PTPRK: variants seen among roughly 807,000 people sequenced by gnomAD.
PTPRK encodes protein tyrosine phosphatase receptor type K, also known as receptor-type tyrosine-protein phosphatase kappa.
Under a neutral mutation model 178.0 loss-of-function variants are expected in PTPRK, and 75 were observed. The ratio of observed to expected loss-of-function variants is 0.42; its 90% CI spans 0.35 to 0.51. The LOEUF (loss-of-function observed/expected upper bound fraction) is 0.51. Ranked by LOEUF, PTPRK falls within the 20% of genes least tolerant of loss-of-function variation. The pLI is 0.02. For missense variants in PTPRK, 1,441 were observed against 1,797.8 expected (o/e 0.80, Z 3.59); for synonymous variants, 637 against 620.6 (o/e 1.03, Z -0.39).
intron 2 of PTPRK, among the ~76,000 whole-genome samples, chr6:128,397,167 A>T (rs372709273): frequency 6.6e-6 from 1 of 152,212 alleles, no homozygotes; most frequent in East Asian, 1.9e-4. Context: ...CAATGTAATA[A>T]AATTCTTTCC....
intron 1 of PTPRK, among the ~76,000 whole-genome samples, chr6:128,426,711 A>G (rs1199345011): frequency 6.6e-6 from 1 of 152,202 alleles, no homozygotes; most frequent in African/African-American, 2.4e-5. Flanking sequence ...TGTAATTAAA[A>G]TGGCTTTTCT....
intron 3 of PTPRK, among the ~76,000 whole-genome samples, chr6:128,285,768 GTT>G (rs1228263311): frequency 6.6e-6 from 1 of 151,994 alleles, no homozygotes; most frequent in East Asian, 1.9e-4. Flanking sequence ...ACACTGCACT[GTT>G]GCCTGGGCAA....
chr6:128,515,732 G>C (rs1298589225), intron 1 of PTPRK, among the ~76,000 whole-genome samples: 2 of 151,980 alleles, frequency 1.3e-5, no homozygotes, highest in Non-Finnish European at 2.9e-5. Flanking sequence ...TGTGTTCTTT[G>C]TTTTGTCTTT....
chr6:128,306,714 C>T (rs1411594659), intron 3 of PTPRK, among the ~76,000 whole-genome samples: 1 of 152,062 alleles, frequency 6.6e-6, no homozygotes, highest in Non-Finnish European at 1.5e-5. Flanking sequence ...GGGAGGATCA[C>T]TTGAGCTCAG....
At chr6:128,489,179 A>C in intron 1 of PTPRK, among the ~76,000 whole-genome samples, 1 of 152,220 alleles carries the variant, frequency 6.6e-6, no homozygotes, top group Non-Finnish European at 1.5e-5. Flanking sequence ...TAGTGCCATA[A>C]GTTGAGGAGT....
rs1012867821 is a variant in PTPRK at position 128,152,803 on chromosome 6, C to A, written c.1162+31629G>T. ...TCTGCTTAGAGTGGACAGATCGTGA[C>A]AGAGAAAGTATTAAAATAATATCAT... On this transcript the variant is annotated intron_variant, in intron 7 of 29. Transcript: ENST00000368226. Among the ~76,000 whole-genome samples the A allele has an allele frequency of 4.6e-5, 7 of 151,870 alleles. No homozygotes were observed. In the Admixed American group the frequency reaches 4.6e-4, roughly 10 times the overall value.
At chr6:128,168,878 C>T (rs879643099) in intron 7 of PTPRK, among the ~76,000 whole-genome samples, 5 of 152,066 alleles carry the variant, frequency 3.3e-5, no homozygotes, top group Admixed American at 6.6e-5. Flanking sequence ...GAAATTGTGA[C>T]ATATATCTAC....
At chr6:128,189,805 T>G (rs539634095) in intron 6 of PTPRK, among the ~76,000 whole-genome samples, 1 of 152,310 alleles carries the variant, frequency 6.6e-6, no homozygotes, top group South Asian at 2.1e-4. Context: ...GTGTTTCTCA[T>G]TGTTTAATTT....
At chr6:128,011,451 T>C (rs1465197231) in intron 13 of PTPRK, among the ~76,000 whole-genome samples, 3 of 151,136 alleles carry the variant, frequency 2.0e-5, no homozygotes, top group Non-Finnish European at 4.5e-5. Context: ...CATGCTATTA[T>C]GGTATAATTT....
chr6:128,031,089 A>G (rs147074981), intron 13 of PTPRK, among the ~76,000 whole-genome samples: 1 of 152,196 alleles, frequency 6.6e-6, no homozygotes, highest in African/African-American at 2.4e-5. Flanking sequence ...AAATAAAATC[A>G]TACGTAGGGA....
At chr6:128,021,432 G>T (rs1483693543) in intron 13 of PTPRK, among the ~76,000 whole-genome samples, 2 of 152,080 alleles carry the variant, frequency 1.3e-5, no homozygotes, top group African/African-American at 4.8e-5. Flanking sequence ...GTCAGGAGAT[G>T]GAGACCATCC....
chr6:128,285,799 C>CA (rs1184624686), intron 3 of PTPRK, among the ~76,000 whole-genome samples: 5 of 149,522 alleles, frequency 3.3e-5, no homozygotes, highest in East Asian at 1.9e-4. Flanking sequence ...TACGCTGTCT[C>CA]AAAAAAAAGT....
chr6:128,103,494 A>G (rs1043783976), intron 7 of PTPRK, among the ~76,000 whole-genome samples: 1 of 152,176 alleles, frequency 6.6e-6, no homozygotes, highest in African/African-American at 2.4e-5. Context: ...CTGTGGGGCT[A>G]GAGCCCAAAA....
At position 128,423,331 on chromosome 6, in the gene PTPRK, T is replaced by C. The variant is rs1843716190; in HGVS notation, c.101-25643A>G. Among the ~76,000 whole-genome samples, 3 of 152,154 alleles carry C rather than the reference T, an allele frequency of 2.0e-5. No homozygotes were observed. The South Asian group carries it at 6.2e-4, about 31-fold the overall frequency. On this transcript the variant is annotated intron_variant, in intron 1 of 29. Coordinates refer to ENST00000368226, the MANE Select transcript of PTPRK (RefSeq NM_002844.4). Reference sequence around the variant, plus strand: ...ATATATGTCAGAACAATTTAAAAATTATATACTGAATATGCTTTATGGCTT... The same window carrying C: ...ATATATGTCAGAACAATTTAAAAATCATATACTGAATATGCTTTATGGCTT...
At chr6:128,196,080 A>C (rs2128254400) in intron 6 of PTPRK, among the ~76,000 whole-genome samples, 1 of 152,274 alleles carries the variant, frequency 6.6e-6, no homozygotes, top group African/African-American at 2.4e-5. Context: ...CCTGGGAACC[A>C]GAGGACAGGT....
intron 1 of PTPRK, among the ~76,000 whole-genome samples, chr6:128,407,036 T>C (rs987103186): frequency 2.2e-4 from 34 of 152,318 alleles, no homozygotes; most frequent in African/African-American, 7.2e-4. Context: ...AAGAAACTAT[T>C]TGGACTCCCT....
chr6:128,476,829 T>C (rs1488336808), intron 1 of PTPRK, among the ~76,000 whole-genome samples: 4 of 151,888 alleles, frequency 2.6e-5, no homozygotes, highest in African/African-American at 9.7e-5. Flanking sequence ...ATATGTGATA[T>C]TAAGGTCTAG....
chr6:128,214,280 T>C (rs1210063072), intron 6 of PTPRK, among the ~76,000 whole-genome samples: 1 of 152,178 alleles, frequency 6.6e-6, no homozygotes, highest in Admixed American at 6.6e-5. Flanking sequence ...ATTGACCAAA[T>C]AAGCTACGAT....
In PTPRK at chr6:127,985,994, A is replaced by G. The variant is rs1450795056; in HGVS notation, c.3097-119T>C. 3.1e-6 allele frequency: 3 copies of G among 953,222 alleles called. No individual in the cohort carries two copies. The East Asian group carries it at 8.0e-5, about 25-fold the overall frequency. 59.0% of individuals were successfully genotyped at this position (953,222 alleles called of 1,614,324 possible). Reference sequence around the variant, plus strand: ...ATGATAACAATAAAACCTTTACGAAAGACTATGCCTTTTCTTAAAAAAAAA... The same window carrying G: ...ATGATAACAATAAAACCTTTACGAAGGACTATGCCTTTTCTTAAAAAAAAA... On this transcript the variant is annotated intron_variant, in intron 21 of 29. Coordinates refer to ENST00000368226, the MANE Select transcript of PTPRK (RefSeq NM_002844.4).
Sources: allele counts gnomAD v4.1 joint callset (sites outside exome capture counted in the v4.1 genomes callset), GRCh38; gene constraint gnomAD v4.1.1; transcripts MANE v1.5; gene names NCBI Gene and HGNC (gene_info 2026-07-23, HGNC 2026-07-21).